Variants in GNA14 observed in about 807,000 individuals in gnomAD.
GNA14 encodes guanine nucleotide-binding protein subunit alpha-14.
A neutral mutation model predicts 42.0 loss-of-function variants in GNA14; 50 were observed. That is an observed-to-expected ratio of 1.19 (90% confidence interval 0.95 to 1.51). GNA14 has a LOEUF of 1.51. Among genes scored for constraint, GNA14 ranks in the 40% most tolerant of loss-of-function variants. The probability of loss-of-function intolerance (pLI) is 0.00; values close to 1 mark genes in which losing one functional copy is unlikely to be tolerated. For missense variants in GNA14, 473 were observed against 446.2 expected (o/e 1.06, Z -0.54); for synonymous variants, 173 against 163.1 (o/e 1.06, Z -0.46).
At chr9:77,459,380 C>G (rs1185344771) in intron 2 of GNA14, among the ~76,000 whole-genome samples, 1 of 152,204 alleles carries the variant, frequency 6.6e-6, no homozygotes, top group East Asian at 1.9e-4. Flanking sequence ...CCTGCCCTCA[C>G]CTCAAAGTCT....
chr9:77,462,837 G>A (rs571230991), intron 2 of GNA14, among the ~76,000 whole-genome samples: 1 of 152,170 alleles, frequency 6.6e-6, no homozygotes, highest in South Asian at 2.1e-4. Context: ...TCGGGTTCAG[G>A]GAGAACTGGC....
chr9:77,428,819 G>T, intron 5 of GNA14, 88 bp downstream of exon 5: 1 of 1,300,966 alleles, frequency 7.7e-7, no homozygotes, highest in Non-Finnish European at 1.1e-6. Flanking sequence ...CTAATGACGA[G>T]GGTCTATTTC....
At position 77,603,975 on chromosome 9, in the gene GNA14, A is replaced by C. The variant is rs1362058484; in HGVS notation, c.124+43695T>G. ...AAAAAACAAAAAAAAAAAAAAAAAA[A>C]AAAAAACACCTCTGAGAAAAGTCTA... On this transcript the variant is annotated intron_variant, in intron 1 of 6. Coordinates refer to ENST00000341700, the MANE Select transcript of GNA14 (RefSeq NM_004297.4). 1.3e-4 allele frequency among the ~76,000 whole-genome samples: 20 copies of C among 150,460 alleles called. No homozygotes were observed. The East Asian group carries it at 2.1e-3, about 16-fold the overall frequency.
At chr9:77,602,521 C>T (rs1366636178) in intron 1 of GNA14, among the ~76,000 whole-genome samples, 1 of 152,104 alleles carries the variant, frequency 6.6e-6, no homozygotes, top group East Asian at 1.9e-4. Flanking sequence ...CCGACCCACC[C>T]CTGGGAGAGA....
intron 1 of GNA14, among the ~76,000 whole-genome samples, chr9:77,640,148 G>A (rs1043789558): frequency 6.6e-6 from 1 of 152,192 alleles, no homozygotes; most frequent in Non-Finnish European, 1.5e-5. Context: ...GGAAGGGGAT[G>A]GGGTCAAGTC....
At chr9:77,504,111 C>G (rs777644432) in intron 2 of GNA14, among the ~76,000 whole-genome samples, 2 of 152,188 alleles carry the variant, frequency 1.3e-5, no homozygotes, top group Admixed American at 1.3e-4. Context: ...TTCCAACAGG[C>G]TTTATCGCCT....
chr9:77,452,089 C>T (rs1007091102), intron 2 of GNA14, among the ~76,000 whole-genome samples: 3 of 152,116 alleles, frequency 2.0e-5, no homozygotes, highest in African/African-American at 4.8e-5. Flanking sequence ...TTGAGAGACA[C>T]GATCCAGTAA....
intron 2 of GNA14, among the ~76,000 whole-genome samples, chr9:77,487,466 C>G (rs752901588): frequency 6.6e-6 from 1 of 150,858 alleles, no homozygotes; most frequent in South Asian, 2.1e-4. Flanking sequence ...TCTTCCTTAT[C>G]TATAAAATAG....
At chr9:77,462,739 G>GT (rs397937054) in intron 2 of GNA14, among the ~76,000 whole-genome samples, 3 of 99,390 alleles carry the variant, frequency 3.0e-5, no homozygotes, top group Non-Finnish European at 5.9e-5. Context: ...GGGTGGGGGG[G>GT]TGGGAAAAGG....
intron 2 of GNA14, 27 bp from the exon 3 acceptor site, chr9:77,434,549 T>C (rs1835612783): frequency 6.2e-7 from 1 of 1,604,600 alleles, no homozygotes; most frequent in Non-Finnish European, 8.5e-7. Context: ...GAACCTTGCA[T>C]CAGGCAAAGG....
At chr9:77,443,458 C>T (rs954828458) in intron 2 of GNA14, among the ~76,000 whole-genome samples, 1 of 152,202 alleles carries the variant, frequency 6.6e-6, no homozygotes, top group Non-Finnish European at 1.5e-5. Flanking sequence ...CAATATTAAA[C>T]ACTGGGCTAA....
chr9:77,431,068 G>A (rs1835544626), intron 4 of GNA14, among the ~76,000 whole-genome samples: 1 of 150,034 alleles, frequency 6.7e-6, no homozygotes, highest in African/African-American at 2.5e-5. Flanking sequence ...GTGTGTATGA[G>A]TGTGTGTTAC....
intron 2 of GNA14, among the ~76,000 whole-genome samples, chr9:77,480,926 G>T (rs1836541196): frequency 6.6e-6 from 1 of 152,018 alleles, no homozygotes; most frequent in African/African-American, 2.4e-5. Context: ...GCGTCTATTT[G>T]ATTCTTCTCT....
At chr9:77,632,870 C>T (rs1380220488) in intron 1 of GNA14, among the ~76,000 whole-genome samples, 1 of 152,178 alleles carries the variant, frequency 6.6e-6, no homozygotes, top group Non-Finnish European at 1.5e-5. Flanking sequence ...GTGTGGGACT[C>T]AGGCTGGTAA....
At chr9:77,592,267 T>C (rs943192466) in intron 1 of GNA14, among the ~76,000 whole-genome samples, 6 of 152,094 alleles carry the variant, frequency 3.9e-5, no homozygotes, top group African/African-American at 7.2e-5. Flanking sequence ...AAGTAGGAGG[T>C]TGTGAACTAA....
chr9:77,445,371 C>G (rs555809349), intron 2 of GNA14, among the ~76,000 whole-genome samples: 1 of 152,078 alleles, frequency 6.6e-6, no homozygotes, highest in South Asian at 2.1e-4. Flanking sequence ...CCTCAACACC[C>G]TCCAAACAAG....
chr9:77,501,305 T>C (rs1037693904), intron 2 of GNA14, among the ~76,000 whole-genome samples: 1 of 152,196 alleles, frequency 6.6e-6, no homozygotes, highest in Non-Finnish European at 1.5e-5. Flanking sequence ...GGCTGTACCA[T>C]TTTACATTCC....
At chr9:77,468,272 C>T (rs1181485181) in intron 2 of GNA14, among the ~76,000 whole-genome samples, 4 of 152,136 alleles carry the variant, frequency 2.6e-5, no homozygotes, top group Non-Finnish European at 4.4e-5. Context: ...AAATGTTTTT[C>T]CATTTGCTGT....
chr9:77,566,145 CTTT>C (rs956489720), intron 1 of GNA14, among the ~76,000 whole-genome samples: 94 of 102,490 alleles, frequency 9.2e-4, no homozygotes, highest in African/African-American at 3.1e-3. Flanking sequence ...GGGAGTGCTT[CTTT>C]TTTTTTTTTT....
Sources: gnomAD v4.1 joint callset for allele counts (sites outside exome capture counted in the v4.1 genomes callset) on GRCh38, gnomAD v4.1.1 for gene constraint, MANE v1.5 for transcripts, NCBI Gene and HGNC (gene_info 2026-07-23, HGNC 2026-07-21) for gene names.